The following LRRC49 variants were observed in gnomAD, a reference collection of about 807,000 sequenced individuals.
The protein encoded by LRRC49 is leucine rich repeat containing 49, also known as leucine-rich repeat-containing protein 49.
LRRC49 carries 50 observed loss-of-function variants against 83.3 expected under a neutral mutation model. The ratio of observed to expected loss-of-function variants is 0.60; its 90% CI spans 0.48 to 0.76. The LOEUF is 0.76. Among genes scored for constraint, LRRC49 ranks in the 30% least tolerant of loss-of-function variants. LRRC49 has a pLI of 0.00. For missense variants in LRRC49, 704 were observed against 809.1 expected, an observed-to-expected ratio of 0.87 and a Z score of 1.58; for synonymous variants, 286 against 283.3, an observed-to-expected ratio of 1.01 and a Z score of -0.10.
chr15:71,026,340 A>C (rs1470393197), intron 14 of LRRC49, among the ~76,000 whole-genome samples: 2 of 152,252 alleles, frequency 1.3e-5, no homozygotes, highest in Admixed American at 1.3e-4. Context: ...GGTTGGTTCC[A>C]AGTCTTTGCT....
At chr15:70,858,628 A>G (rs1048169215) in intron 1 of LRRC49, 1 of 520,306 alleles carries the variant, frequency 1.9e-6, no homozygotes, top group African/African-American at 1.9e-5. Context: ...CAAAACAAAC[A>G]AAAAAAGGAC....
intron 3 of LRRC49, chr15:70,898,222 T>G: frequency 1.8e-6 from 1 of 553,860 alleles, no homozygotes; most frequent in East Asian, 3.0e-5. Context: ...CTTACCAAAT[T>G]TAGACCATTA....
At chr15:71,036,901 G>T (rs895878669) in intron 14 of LRRC49, among the ~76,000 whole-genome samples, 1 of 151,986 alleles carries the variant, frequency 6.6e-6, no homozygotes, top group African/African-American at 2.4e-5. Context: ...ATTAATTTTT[G>T]TGTTGATTTT....
chr15:70,993,662 C>T (rs947902220), intron 11 of LRRC49, among the ~76,000 whole-genome samples: 4 of 152,076 alleles, frequency 2.6e-5, no homozygotes, highest in Non-Finnish European at 4.4e-5. Context: ...AACTATAATA[C>T]TTTATAATGT....
At chr15:70,876,403 G>C (rs182115239) in intron 2 of LRRC49, among the ~76,000 whole-genome samples, 11 of 152,268 alleles carry the variant, frequency 7.2e-5, no homozygotes, top group Admixed American at 4.6e-4. Flanking sequence ...GAGTCTAGTG[G>C]GGGAGATTAG....
chr15:70,880,498 T>C (rs1595977279), intron 2 of LRRC49, among the ~76,000 whole-genome samples: 1 of 152,248 alleles, frequency 6.6e-6, no homozygotes, highest in Non-Finnish European at 1.5e-5. Context: ...ATATAACTTT[T>C]CCCCCCACTA....
upstream of LRRC49, among the ~76,000 whole-genome samples, chr15:70,891,349 G>A (rs2033556204): frequency 6.6e-6 from 1 of 152,060 alleles, no homozygotes; most frequent in Non-Finnish European, 1.5e-5. Flanking sequence ...GGTGGGAAGG[G>A]ATTTATTAGC....
At chr15:70,873,247 A>G (rs2033088102) in intron 2 of LRRC49, 4 of 1,535,064 alleles carry the variant, frequency 2.6e-6, no homozygotes, top group Non-Finnish European at 2.6e-6. Context: ...TTCAGTTGAC[A>G]TAATTTTGTA....
At chr15:70,858,787 C>A (rs914820883) in intron 1 of LRRC49, 13 of 946,098 alleles carry the variant, frequency 1.4e-5, no homozygotes, top group African/African-American at 4.8e-5. Context: ...GCTGCTCCTA[C>A]ACAAGTGGGC....
chr15:70,962,010 A>T (rs2036617637), intron 8 of LRRC49, among the ~76,000 whole-genome samples: 1 of 152,224 alleles, frequency 6.6e-6, no homozygotes, highest in Admixed American at 6.5e-5. Flanking sequence ...AAAGGCACTG[A>T]TCTAAGAAAC....
intron 3 of LRRC49, chr15:70,900,545 C>T (rs1301135733): frequency 4.4e-6 from 2 of 457,204 alleles, no homozygotes; most frequent in African/African-American, 4.0e-5. Flanking sequence ...AATCCAGAAT[C>T]CAGCAGGGCT....
Position 70,963,801 on chromosome 15 carries a change from T to A in LRRC49, c.790T>A (p.Cys264Ser). The A allele has an allele frequency of 6.2e-7, 1 of 1,613,496 alleles. No individual in the cohort carries two copies. Among genetic ancestry groups the A allele is most frequent in the Non-Finnish European group, 8.5e-7 (1 of 1,179,578 alleles). ...CTCCTGCAGTTTTGACAGTGTTTCC[T>A]GCCTTGCTGACTCTTCTTCCCTCTC... ...NNISSFDSVSCLADSSSLSDI... is the reference protein window; with the variant it reads ...NNISSFDSVSSLADSSSLSDI... The change falls in exon 9 of 16, where the codon TGC (cysteine) becomes AGC (serine). Residue 264 changes from cysteine (C) to serine (S), a missense_variant. Around this residue, in one of 3 missense-constraint regions of LRRC49, gnomAD observed 261 missense variants for 330.5 expected, o/e 0.79. Transcript: ENST00000260382.
At chr15:70,853,978 C>A (rs2032571069) in intron 1 of LRRC49, 1 of 1,462,736 alleles carries the variant, frequency 6.8e-7, no homozygotes, top group Non-Finnish European at 9.1e-7. Context: ...GAGTCTCCGC[C>A]CCCTCCTCCT....
rs544979422 is a variant in LRRC49 at position 70,955,747 on chromosome 15, C to A, written c.774-8038C>A. Among the ~76,000 whole-genome samples, 3 of 152,128 alleles carry A rather than the reference C, an allele frequency of 2.0e-5. No individual in the cohort carries two copies. The East Asian group carries it at 5.8e-4, about 29-fold the overall frequency. On this transcript the variant is annotated intron_variant, in intron 8 of 15. Transcript: ENST00000260382. ...TGTAGTCCTCATTTGTTTTTTTTAG[C>A]AGATCATGAATGCATTTGAGACCAG...
chr15:70,869,326 A>C (rs531711023), intron 1 of LRRC49, among the ~76,000 whole-genome samples: 1 of 152,274 alleles, frequency 6.6e-6, no homozygotes, highest in East Asian at 1.9e-4. Flanking sequence ...TTCCCTGCCT[A>C]ATCTTCTAAA....
rs2039996561 is a variant in LRRC49 at position 71,051,673 on chromosome 15, G to T, written c.*2061G>T. ...AATCTGTCCAGCTTCCTGCATGTCT[G>T]TTCTCCCCTAACCCTCCCATCCCTG... is the stretch of plus-strand genomic sequence containing the variant. On this transcript the variant is annotated 3_prime_UTR_variant, in exon 16 of 16. Coordinates refer to ENST00000260382, the MANE Select transcript of LRRC49 (RefSeq NM_017691.5). 1 of 152,266 alleles carries T rather than the reference G, an allele frequency of 6.6e-6. No homozygotes were observed. Among genetic ancestry groups the T allele is most frequent in the African/African-American group, 2.4e-5 (1 of 41,438 alleles). 9.4% of individuals were successfully genotyped at this position (152,266 alleles called of 1,614,324 possible).
At chr15:70,894,263 G>A (rs2033726788) in intron 2 of LRRC49, among the ~76,000 whole-genome samples, 1 of 151,978 alleles carries the variant, frequency 6.6e-6, no homozygotes, top group African/African-American at 2.4e-5. Flanking sequence ...TAATTGGGGA[G>A]GTTTTTTTTC....
chr15:70,899,938 T>G (rs946760707), intron 3 of LRRC49, among the ~76,000 whole-genome samples: 19 of 152,178 alleles, frequency 1.2e-4, no homozygotes, highest in African/African-American at 4.3e-4. Context: ...GCATTCAAAC[T>G]GTCACGTTTG....
intron 8 of LRRC49, among the ~76,000 whole-genome samples, chr15:70,949,342 T>TG (rs1194485934): frequency 1.3e-5 from 2 of 152,264 alleles, no homozygotes; most frequent in African/African-American, 4.8e-5. Context: ...TGTCTAGTGA[T>TG]ATCATAGCCA....
Sources: gnomAD v4.1 joint callset for allele counts (sites outside exome capture counted in the v4.1 genomes callset) on GRCh38, gnomAD v4.1.1 for gene constraint, gnomAD v4.1.1 regional missense constraint, MANE v1.5 for transcripts, NCBI Gene and HGNC (gene_info 2026-07-23, HGNC 2026-07-21) for gene names.